The following NRXN1 variants were observed in gnomAD, a reference collection of about 807,000 sequenced individuals.
NRXN1 encodes neurexin-1.
Under a neutral mutation model 150.9 loss-of-function variants are expected in NRXN1, and 39 were observed. The ratio of observed to expected loss-of-function variants is 0.26; its 90% CI spans 0.20 to 0.34. The LOEUF (loss-of-function observed/expected upper bound fraction) is 0.34. Ranked by LOEUF, NRXN1 falls within the 10% of genes least tolerant of loss-of-function variation. NRXN1 has a pLI of 1.00. For synonymous variants in NRXN1, 924 were observed against 757.0 expected, an observed-to-expected ratio of 1.22 and a Z score of -3.62; for missense variants, 1,815 against 1,949.9, an observed-to-expected ratio of 0.93 and a Z score of 1.30.
At chr2:50,473,065 T>C (rs935432412) in intron 15 of NRXN1, among the ~76,000 whole-genome samples, 3 of 151,890 alleles carry the variant, frequency 2.0e-5, no homozygotes, top group African/African-American at 7.2e-5. Context: ...TTTCTTCTTG[T>C]ATCTAAAGTC....
intron 5 of NRXN1, among the ~76,000 whole-genome samples, chr2:50,659,199 T>C (rs1686931944): frequency 6.6e-6 from 1 of 152,048 alleles, no homozygotes; most frequent in Admixed American, 6.6e-5. Flanking sequence ...TCCATTCCAC[T>C]ATAAGTATAT....
intron 18 of NRXN1, among the ~76,000 whole-genome samples, chr2:50,161,311 G>A (rs1020971456): frequency 6.6e-6 from 1 of 152,114 alleles, no homozygotes; most frequent in African/African-American, 2.4e-5. Flanking sequence ...GGAAAATAAG[G>A]TAACAACCCA....
At chr2:50,745,199 T>C (rs73933049) in intron 5 of NRXN1, among the ~76,000 whole-genome samples, 13,713 of 152,106 alleles carry the variant, frequency 0.09, 696 homozygotes, top group Middle Eastern at 0.12. Flanking sequence ...AGTATCTACA[T>C]GAAATGACTA....
chr2:51,018,688 G>C (rs546178248), intron 2 of NRXN1, among the ~76,000 whole-genome samples: 3 of 152,154 alleles, frequency 2.0e-5, no homozygotes, highest in Non-Finnish European at 2.9e-5. Context: ...ATGTGACTGA[G>C]CTAGTTCTTT....
chr2:50,409,805 T>C (rs941636852), intron 17 of NRXN1, among the ~76,000 whole-genome samples: 2 of 152,210 alleles, frequency 1.3e-5, no homozygotes, highest in African/African-American at 4.8e-5. Flanking sequence ...TATTAGAATT[T>C]AGTGCAACCT....
intron 17 of NRXN1, among the ~76,000 whole-genome samples, chr2:50,273,699 A>C (rs1028311795): frequency 3.9e-5 from 6 of 152,132 alleles, no homozygotes; most frequent in African/African-American, 1.2e-4. Flanking sequence ...ACACAACCCA[A>C]AGTCCATGTT....
At chr2:49,924,005 T>A (rs1668660905) in intron 22 of NRXN1, among the ~76,000 whole-genome samples, 2 of 152,186 alleles carry the variant, frequency 1.3e-5, no homozygotes, top group African/African-American at 4.8e-5. Flanking sequence ...AGGAATTAAT[T>A]TCCTCTCATG....
chr2:50,044,341 T>G (rs1168584334), intron 21 of NRXN1, among the ~76,000 whole-genome samples: 1 of 152,150 alleles, frequency 6.6e-6, no homozygotes, highest in African/African-American at 2.4e-5. Context: ...AGAAGGGAGC[T>G]AAGGGGGCCG....
At chr2:50,642,361 A>C (rs997555853) in intron 5 of NRXN1, among the ~76,000 whole-genome samples, 7 of 152,114 alleles carry the variant, frequency 4.6e-5, no homozygotes, top group African/African-American at 1.4e-4. Context: ...CAAATCTTAG[A>C]TAACATCTTG....
chr2:49,987,317 C>T (rs950443088), intron 21 of NRXN1, among the ~76,000 whole-genome samples: 1 of 152,122 alleles, frequency 6.6e-6, no homozygotes, highest in African/African-American at 2.4e-5. Flanking sequence ...CTGAAAAGGT[C>T]TTACAACACT....
chr2:50,196,224 T>C (rs907768087), intron 18 of NRXN1, among the ~76,000 whole-genome samples: 6 of 152,138 alleles, frequency 3.9e-5, no homozygotes, highest in African/African-American at 9.7e-5. Flanking sequence ...TTCTTAGATA[T>C]ACTCTCTTAC....
At chr2:50,216,327 G>A (rs573725457) in intron 18 of NRXN1, among the ~76,000 whole-genome samples, 80 of 152,092 alleles carry the variant, frequency 5.3e-4, no homozygotes, top group Admixed American at 8.5e-4. Flanking sequence ...ACTTGTTATT[G>A]TTTTTTCAAA....
At chr2:49,960,719 C>T (rs947033996) in intron 21 of NRXN1, among the ~76,000 whole-genome samples, 8 of 152,234 alleles carry the variant, frequency 5.3e-5, no homozygotes, top group East Asian at 3.9e-4. Context: ...GCACCAGCAC[C>T]GGCACTGCCA....
At chr2:50,009,720 C>A (rs947528974) in intron 21 of NRXN1, among the ~76,000 whole-genome samples, 1 of 152,064 alleles carries the variant, frequency 6.6e-6, no homozygotes, top group African/African-American at 2.4e-5. Flanking sequence ...TCATAATAGT[C>A]GCCTGACAAT....
intron 12 of NRXN1, among the ~76,000 whole-genome samples, chr2:50,519,725 G>A (rs966360990): frequency 1.3e-5 from 2 of 151,846 alleles, no homozygotes; most frequent in Non-Finnish European, 2.9e-5. Context: ...CTCATGTGTG[G>A]CTATTCAAAT....
chr2:50,048,295 A>T (rs1025845002), intron 21 of NRXN1, among the ~76,000 whole-genome samples: 20 of 152,188 alleles, frequency 1.3e-4, no homozygotes, highest in African/African-American at 4.6e-4. Flanking sequence ...AATTTAAGTG[A>T]ATTCAGAAGA....
chr2:50,340,030 T>C (rs1449611573), intron 17 of NRXN1, among the ~76,000 whole-genome samples: 1 of 152,208 alleles, frequency 6.6e-6, no homozygotes, highest in Non-Finnish European at 1.5e-5. Flanking sequence ...GCCTTTTATA[T>C]TGTCATGGAA....
intron 17 of NRXN1, among the ~76,000 whole-genome samples, chr2:50,429,499 C>T (rs2084775190): frequency 6.6e-6 from 1 of 152,114 alleles, no homozygotes; most frequent in Non-Finnish European, 1.5e-5. Flanking sequence ...TCAAGTGATC[C>T]ACCCACCTTT....
rs189181347 is a variant in NRXN1, at chr2:50,836,072, T to C, written c.832+85797A>G. Among the ~76,000 whole-genome samples, 290 of 152,284 alleles carry C rather than the reference T, an allele frequency of 1.9e-3. 2 individuals are homozygous for C. Among genetic ancestry groups the C allele is most frequent in the Non-Finnish European group, 2.6e-3 (179 of 67,998 alleles). On this transcript the variant is annotated intron_variant, in intron 5 of 22. Transcript: ENST00000401669. ...AACATTTTACTAGTCCCCATAAATC[T>C]GAAAAAGAATTTCTAATTCTAGTTT...
Sources: gnomAD v4.1 joint callset for allele counts (sites outside exome capture counted in the v4.1 genomes callset) on GRCh38, gnomAD v4.1.1 for gene constraint, MANE v1.5 for transcripts, NCBI Gene and HGNC (gene_info 2026-07-23, HGNC 2026-07-21) for gene names.